RB1CC1: variants seen among roughly 807,000 people sequenced by gnomAD.
RB1CC1 encodes RB1 inducible coiled-coil 1, also known as RB1-inducible coiled-coil protein 1.
In RB1CC1, 46 loss-of-function variants were observed where a neutral mutation model predicts 177.5. The observed-to-expected ratio is 0.26, with a 90% CI of 0.20 to 0.33. RB1CC1 has a LOEUF of 0.33. Among genes scored for constraint, RB1CC1 ranks in the 10% least tolerant of loss-of-function variants. The pLI is 1.00. For missense variants in RB1CC1, 1,703 were observed against 1,816.3 expected (o/e 0.94, Z 1.13); for synonymous variants, 666 against 613.6 (o/e 1.09, Z -1.26).
rs1386277508 is a variant in RB1CC1 at position 52,631,775 on chromosome 8, T to C, written c.4441-1247A>G. Reference sequence around the variant, plus strand: ...CTTGCTGAGGCACCCCGCTACACTCTTCAGCATCATTCGCTCTAATAAAAC... The same window carrying C: ...CTTGCTGAGGCACCCCGCTACACTCCTCAGCATCATTCGCTCTAATAAAAC... On this transcript the variant is annotated intron_variant, in intron 20 of 23. Transcript: ENST00000025008. 2.6e-5 allele frequency among the ~76,000 whole-genome samples: 4 copies of C among 152,208 alleles called. No homozygotes were observed. The East Asian group carries it at 7.7e-4, about 29-fold the overall frequency.
intron 16 of RB1CC1, among the ~76,000 whole-genome samples, chr8:52,645,298 G>GA (rs965260080): frequency 2.0e-5 from 3 of 152,094 alleles, no homozygotes; most frequent in African/African-American, 7.2e-5. Flanking sequence ...GAAGCTTAGA[G>GA]AAAAAATAAA....
intron 7 of RB1CC1, among the ~76,000 whole-genome samples, chr8:52,671,645 TATAA>T (rs1554544079): frequency 6.6e-6 from 1 of 152,228 alleles, no homozygotes; most frequent in Non-Finnish European, 1.5e-5. Context: ...CTTTGTAAAA[TATAA>T]ATAAATTTTT....
chr8:52,700,532 T>C (rs1398091579), intron 1 of RB1CC1, among the ~76,000 whole-genome samples: 2 of 151,996 alleles, frequency 1.3e-5, no homozygotes, highest in African/African-American at 2.4e-5. Flanking sequence ...AAGACTATCT[T>C]TAGAAAAAAC....
chr8:52,698,669 GGTTTTTTTTTTTTTTTTTTTTTTTTTTT>G lies in RB1CC1; in HGVS notation c.-166-11730_-166-11703del, dbSNP rs1855701558. Among the ~76,000 whole-genome samples, 4 of 22,778 alleles carry G rather than the reference GGTTTTTTTTTTTTTTTTTTTTTTTTTTT, an allele frequency of 1.8e-4. 1 individual carries two copies. The highest frequency in any genetic ancestry group is 4.1e-4 in the African/African-American group (3 of 7,340). 14.9% of individuals were successfully genotyped at this position (22,778 alleles called of 152,430 possible). The stretch of plus-strand genomic sequence containing the variant: ...AACAAAAACTGTATATGTAATGGTT[GGTTTTTTTTTTTTTTTTTTTTTTTTTTT>G]TTTTTTTTTTTTTTTTTTTTTTTTT... On this transcript the variant is annotated intron_variant, in intron 1 of 23. Coordinates refer to ENST00000025008, the MANE Select transcript of RB1CC1 (RefSeq NM_014781.5).
chr8:52,672,655 AG>A (rs2150549431), intron 7 of RB1CC1, among the ~76,000 whole-genome samples: 1 of 152,230 alleles, frequency 6.6e-6, no homozygotes, highest in African/African-American at 2.4e-5. Context: ...CTGAGGTGGG[AG>A]GGTTGCCTGA....
rs17337252 is a variant in RB1CC1, at chr8:52,674,146, A to T, written c.701T>A (p.Met234Lys). 6.2e-7 allele frequency: 1 copy of T among 1,613,680 alleles called. No individual in the cohort carries two copies. The highest frequency in any genetic ancestry group is 8.5e-7 in the Non-Finnish European group (1 of 1,179,786). ...PEHEDSEKAE[M>K]KRSTELVLSP... ...GAGCACCAGTTCAGTGGATCTTTTC[A>T]TCTCAGCTTTTTCTGAGTCTTCATG... The change falls in exon 7 of 24, where the codon ATG (methionine) becomes AAG (lysine). Residue 234 changes from methionine (M) to lysine (K), a missense_variant. Coordinates refer to ENST00000025008, the MANE Select transcript of RB1CC1 (RefSeq NM_014781.5).
chr8:52,678,272 C>T lies in RB1CC1; in HGVS notation c.370-1701G>A, dbSNP rs368724080. On this transcript the variant is annotated intron_variant, in intron 5 of 23. Transcript: ENST00000025008. ...TCTCTACCAAAAATACAAAAATTAG[C>T]TGGGTGTGGTGGCACGTACCTGTAA... is the stretch of plus-strand genomic sequence containing the variant. Among the ~76,000 whole-genome samples the T allele has an allele frequency of 2.6e-5, 4 of 152,042 alleles. No homozygotes were observed. The East Asian group carries it at 7.7e-4, about 29-fold the overall frequency.
intron 1 of RB1CC1, among the ~76,000 whole-genome samples, chr8:52,703,932 G>A (rs1485491333): frequency 1.3e-5 from 2 of 152,186 alleles, no homozygotes; most frequent in African/African-American, 2.4e-5. Flanking sequence ...GAACACTGTC[G>A]CTATTTATTC....
chr8:52,628,174 TAAAG>T lies in RB1CC1; in HGVS notation c.4500-10_4500-7del, dbSNP rs770898640. On this transcript the variant is annotated splice_region_variant and splice_polypyrimidine_tract_variant and intron_variant, in intron 21 of 23. Coordinates refer to ENST00000025008, the MANE Select transcript of RB1CC1 (RefSeq NM_014781.5). ...CCAAATCTCCCACCTGAAAACTGAA[TAAAG>T]AAATGCAATTTTATTGACTTAGAGT... is the stretch of plus-strand genomic sequence containing the variant. 12 of 1,605,382 alleles carry T rather than the reference TAAAG, an allele frequency of 7.5e-6. No homozygotes were observed. Among genetic ancestry groups the T allele is most frequent in the African/African-American group, 1.3e-5 (1 of 74,560 alleles).
chr8:52,672,993 A>C (rs1436089746), intron 7 of RB1CC1, among the ~76,000 whole-genome samples: 1 of 152,208 alleles, frequency 6.6e-6, no homozygotes, highest in Non-Finnish European at 1.5e-5. Flanking sequence ...TACTGAAAGA[A>C]TGACAAAACC....
chr8:52,660,644 TA>T lies in RB1CC1; in HGVS notation c.1640del (p.Leu547Ter). The T allele has an allele frequency of 6.3e-7, 1 of 1,599,228 alleles. No individual in the cohort carries two copies. The highest frequency in any genetic ancestry group is 8.5e-7 in the Non-Finnish European group (1 of 1,175,534). On this transcript the variant is annotated frameshift_variant, in exon 12 of 24. Transcript: ENST00000025008. LOFTEE classifies it high-confidence loss of function. ...SFGKLFRKSF[L>X]RNRLFRGLDS... ...CCAGTCCCCTAAACAGACGATTTCT[TA>T]AAAAAGACTTCCCTGTATAAAGAAA...
At chr8:52,643,023 C>A in intron 16 of RB1CC1, 1 of 442,994 alleles carries the variant, frequency 2.3e-6, no homozygotes. Flanking sequence ...GAAAGCAAAT[C>A]CTATTTTCTT....
At chr8:52,707,148 A>G (rs763649437) in intron 1 of RB1CC1, among the ~76,000 whole-genome samples, 1 of 152,246 alleles carries the variant, frequency 6.6e-6, no homozygotes, top group East Asian at 1.9e-4. Context: ...GGATCTAACG[A>G]ATAATCTATA....
intron 18 of RB1CC1, among the ~76,000 whole-genome samples, chr8:52,639,499 T>C (rs181860146): frequency 3.3e-5 from 5 of 152,318 alleles, no homozygotes; most frequent in African/African-American, 4.8e-5. Flanking sequence ...ATTTATTGTC[T>C]TGCTGAATAG....
chr8:52,707,553 T>C (rs1856692148), intron 1 of RB1CC1, among the ~76,000 whole-genome samples: 1 of 150,030 alleles, frequency 6.7e-6, no homozygotes. Flanking sequence ...TCCAATGACA[T>C]AACCCTTACT....
intron 19 of RB1CC1, 46 bp from the exon 20 acceptor site, chr8:52,635,014 C>A: frequency 6.6e-7 from 1 of 1,510,866 alleles, no homozygotes; most frequent in South Asian, 1.2e-5. Context: ...TGTACCTACT[C>A]AAATAAATCT....
chr8:52,656,575 T>C lies in RB1CC1; in HGVS notation c.3254A>G (p.Gln1085Arg). The C allele has an allele frequency of 1.2e-6, 2 of 1,612,446 alleles. No homozygotes were observed. The highest frequency in any genetic ancestry group is 2.2e-5 in the South Asian group (2 of 90,786). Residue 1085 changes from glutamine to arginine, a missense_variant, in exon 15 of 24, where the codon CAG becomes CGG. By Grantham distance (43) the Gln-to-Arg change is conservative (BLOSUM62 1). Transcript: ENST00000025008. ...AAGAAGAGATTTCAAGGTCTCCTTC[T>C]GCTGGGCTCTGCTTTCTTCCAGCAA... ...KILLEESRAQQKETLKSLLEQ... is the reference protein window; with the variant it reads ...KILLEESRAQRKETLKSLLEQ...
At position 52,699,069 on chromosome 8, in the gene RB1CC1, A is replaced by C. The variant is rs556103806; in HGVS notation, c.-166-12102T>G. Reference sequence around the variant, plus strand: ...CTAACTCTAAGCTAACCCTAACCCAAAACAATTAACAAGTGTCTGTAGGTA... The same window carrying C: ...CTAACTCTAAGCTAACCCTAACCCACAACAATTAACAAGTGTCTGTAGGTA... On this transcript the variant is annotated intron_variant, in intron 1 of 23. Coordinates refer to ENST00000025008, the MANE Select transcript of RB1CC1 (RefSeq NM_014781.5). 2.0e-5 allele frequency among the ~76,000 whole-genome samples: 3 copies of C among 152,212 alleles called. No homozygotes were observed. In the South Asian group the frequency reaches 6.2e-4, roughly 32 times the overall value.
At chr8:52,691,907 AAATCAT>A (rs1854899199) in intron 1 of RB1CC1, among the ~76,000 whole-genome samples, 1 of 152,230 alleles carries the variant, frequency 6.6e-6, no homozygotes, top group Non-Finnish European at 1.5e-5. Flanking sequence ...ATGGCACATA[AAATCAT>A]AATCATAATC....
Sources: allele counts gnomAD v4.1 joint callset (sites outside exome capture counted in the v4.1 genomes callset), GRCh38; gene constraint gnomAD v4.1.1; transcripts MANE v1.5; gene names NCBI Gene and HGNC (gene_info 2026-07-23, HGNC 2026-07-21).